KLHL32: variants seen among roughly 807,000 people sequenced by gnomAD.
KLHL32 encodes the protein kelch like family member 32, also known as kelch-like protein 32.
Under a neutral mutation model 64.8 loss-of-function variants are expected in KLHL32, and 35 were observed. The ratio of observed to expected loss-of-function variants is 0.54; its 90% CI spans 0.41 to 0.72. KLHL32 has a LOEUF of 0.72. KLHL32 is among the 30% of genes least tolerant of loss of function. KLHL32 has a pLI of 0.00. For synonymous variants in KLHL32, 259 were observed against 281.0 expected, an observed-to-expected ratio of 0.92 and a Z score of 0.78; for missense variants, 589 against 768.5, an observed-to-expected ratio of 0.77 and a Z score of 2.76.
At chr6:97,077,509 A>G (rs1439523651) in intron 5 of KLHL32, among the ~76,000 whole-genome samples, 2 of 152,170 alleles carry the variant, frequency 1.3e-5, no homozygotes, top group Admixed American at 6.5e-5. Context: ...TCTAACATAT[A>G]GAAAACAAGG....
chr6:97,122,117 C>G (rs1798431982), intron 7 of KLHL32, among the ~76,000 whole-genome samples: 1 of 152,174 alleles, frequency 6.6e-6, no homozygotes, highest in African/African-American at 2.4e-5. Context: ...CCCATTTTAT[C>G]ATTTCATTTA....
chr6:96,973,700 G>T (rs1451109335), intron 2 of KLHL32, among the ~76,000 whole-genome samples: 2 of 138,940 alleles, frequency 1.4e-5, no homozygotes, highest in Admixed American at 7.1e-5. Context: ...TTCCCCTTAA[G>T]CATAGATTTT....
chr6:96,930,063 C>T (rs1269834559), intron 1 of KLHL32, among the ~76,000 whole-genome samples: 1 of 152,018 alleles, frequency 6.6e-6, no homozygotes, highest in African/African-American at 2.4e-5. Context: ...AGCAGGCTAC[C>T]CCCTCCCTTC....
At position 97,077,452 on chromosome 6, in the gene KLHL32, A is replaced by G. The variant is rs540131960; in HGVS notation, c.412-7674A>G. Among the ~76,000 whole-genome samples, 3 of 152,220 alleles carry G rather than the reference A, an allele frequency of 2.0e-5. No homozygotes were observed. The East Asian group carries it at 5.8e-4, about 29-fold the overall frequency. On this transcript the variant is annotated intron_variant, in intron 5 of 10. Coordinates refer to ENST00000369261, the MANE Select transcript of KLHL32 (RefSeq NM_052904.4). ...CTTTTTCTGATCATCACTAAAAACC[A>G]AGAGAAGTAAGCTTCTTTTTCAACA...
chr6:97,105,601 T>A, intron 6 of KLHL32: 5 of 440,762 alleles, frequency 1.1e-5, no homozygotes, highest in South Asian at 8.2e-5. Context: ...AGCAGAGCTA[T>A]CTGCAACCAG....
intron 3 of KLHL32, among the ~76,000 whole-genome samples, chr6:96,985,126 T>TA (rs1776851828): frequency 6.6e-6 from 1 of 152,210 alleles, no homozygotes; most frequent in South Asian, 2.1e-4. Flanking sequence ...CTCCTTCACT[T>TA]ATGAAGCTTA....
chr6:96,995,827 T>A (rs776805108), intron 3 of KLHL32, among the ~76,000 whole-genome samples: 9 of 152,250 alleles, frequency 5.9e-5, no homozygotes, highest in Non-Finnish European at 1.3e-4. Flanking sequence ...TTTTTTGAAA[T>A]CTTAATACTT....
intron 7 of KLHL32, among the ~76,000 whole-genome samples, chr6:97,123,927 T>C (rs1798624120): frequency 6.6e-6 from 1 of 152,200 alleles, no homozygotes; most frequent in Non-Finnish European, 1.5e-5. Flanking sequence ...TGTTATTAAT[T>C]CCATATCTAT....
chr6:97,005,891 G>T (rs963875389), intron 3 of KLHL32, among the ~76,000 whole-genome samples: 1 of 152,056 alleles, frequency 6.6e-6, no homozygotes, highest in Non-Finnish European at 1.5e-5. Flanking sequence ...TCTGAGGATT[G>T]TTTTCTGGCT....
At chr6:97,019,291 G>A (rs539611059) in intron 3 of KLHL32, among the ~76,000 whole-genome samples, 69 of 152,328 alleles carry the variant, frequency 4.5e-4, no homozygotes, top group African/African-American at 1.6e-3. Flanking sequence ...CTGAGACAGA[G>A]ATTAGTGTGA....
chr6:97,135,819 T>A lies in KLHL32; in HGVS notation c.1701+3072T>A, dbSNP rs1799944997. ...ATGACGATAGAACAATTGGTTTCAA[T>A]ACACTAACAGTAATAAATTAAATTG... On this transcript the variant is annotated intron_variant, in intron 10 of 10. Coordinates refer to ENST00000369261, the MANE Select transcript of KLHL32 (RefSeq NM_052904.4). Among the ~76,000 whole-genome samples, 5 of 152,188 alleles carry A rather than the reference T, an allele frequency of 3.3e-5. 1 individual carries two copies. The highest frequency in any genetic ancestry group is 2.0e-4 in the Admixed American group (3 of 15,292).
At chr6:97,100,412 G>A (rs1795552268) in intron 6 of KLHL32, among the ~76,000 whole-genome samples, 2 of 152,268 alleles carry the variant, frequency 1.3e-5, no homozygotes, top group Non-Finnish European at 1.5e-5. Flanking sequence ...AGCCCTACCA[G>A]CTGGCTGGCA....
chr6:96,909,351 G>A, the KLHL32 span, among the ~76,000 whole-genome samples: 1 of 152,166 alleles, frequency 6.6e-6, no homozygotes, highest in African/African-American at 2.4e-5. Context: ...TGTCACGAAG[G>A]CTTATTTTTG....
In KLHL32 at chr6:97,140,573, GT is replaced by G. The variant is rs1256503279; in HGVS notation, c.*1296del. The G allele has an allele frequency of 6.6e-6, 1 of 151,878 alleles. No homozygotes were observed. The highest frequency in any genetic ancestry group is 6.6e-5 in the Admixed American group (1 of 15,266). The allele number at this position is 151,878 out of a possible 1,614,324, so 9.4% of individuals were successfully genotyped here. ...AACAAATTTAACAAGTATAATGTGAGTTTTTCTTTTTTCCTAACTTCCTCAG... is the reference window on the plus strand; with the variant it reads ...AACAAATTTAACAAGTATAATGTGAGTTTTCTTTTTTCCTAACTTCCTCAG... On this transcript the variant is annotated 3_prime_UTR_variant, in exon 11 of 11. Transcript: ENST00000369261.
chr6:97,104,426 A>G (rs1212292450), intron 6 of KLHL32, among the ~76,000 whole-genome samples: 2 of 152,230 alleles, frequency 1.3e-5, no homozygotes, highest in Non-Finnish European at 2.9e-5. Context: ...AACAAATCTT[A>G]TGCTAAAGGT....
At chr6:97,064,839 G>A in intron 5 of KLHL32, 113 bp downstream of exon 5, 1 of 819,778 alleles carries the variant, frequency 1.2e-6, no homozygotes, top group South Asian at 1.6e-5. Context: ...TGGGGTGTGG[G>A]CTGTGGTAGT....
intron 4 of KLHL32, among the ~76,000 whole-genome samples, chr6:97,043,307 G>C (rs2128129361): frequency 6.6e-6 from 1 of 152,280 alleles, no homozygotes; most frequent in East Asian, 1.9e-4. Flanking sequence ...ATATAAGTGA[G>C]ATCATGAAGT....
rs539903851 is a variant in KLHL32 at position 96,954,100 on chromosome 6, T to C, written c.-65-12896T>C. Among the ~76,000 whole-genome samples the C allele has an allele frequency of 1.6e-3, 251 of 152,234 alleles. 1 individual carries two copies. The highest frequency in any genetic ancestry group is 3.4e-3 in the Middle Eastern group (1 of 294). On this transcript the variant is annotated intron_variant, in intron 1 of 10. Transcript: ENST00000369261. ...TGTGTTGAATCCTTGGTCTCCTGAA[T>C]CACATGTCTTCCTTTTCTCAATATG... is the stretch of plus-strand genomic sequence containing the variant.
chr6:97,029,143 C>T (rs1783153461), intron 3 of KLHL32, among the ~76,000 whole-genome samples: 1 of 152,024 alleles, frequency 6.6e-6, no homozygotes, highest in Admixed American at 6.5e-5. Flanking sequence ...TTTTTTATTC[C>T]ACCCTTTCCT....
Sources: allele counts gnomAD v4.1 joint callset (sites outside exome capture counted in the v4.1 genomes callset), GRCh38; gene constraint gnomAD v4.1.1; transcripts MANE v1.5; gene names NCBI Gene and HGNC (gene_info 2026-07-23, HGNC 2026-07-21).